ACTR3C: variants seen among roughly 807,000 people sequenced by gnomAD.
The protein encoded by ACTR3C is actin related protein 3C, also known as actin-related protein 3C.
ACTR3C carries 18 observed loss-of-function variants against 26.3 expected under a neutral mutation model. That is an observed-to-expected ratio of 0.68 (90% CI 0.47 to 1.01). The LOEUF is 1.01. Ranked by LOEUF, ACTR3C falls within the 50% of genes least tolerant of loss-of-function variation. ACTR3C has a pLI of 0.00. For synonymous variants in ACTR3C, 55 were observed against 94.5 expected, an observed-to-expected ratio of 0.58 and a Z score of 2.42; for missense variants, 184 against 250.7, an observed-to-expected ratio of 0.73 and a Z score of 1.80.
At chr7:150,032,057 A>T in the ACTR3C span, among the ~76,000 whole-genome samples, 4 of 152,128 alleles carry the variant, frequency 2.6e-5, no homozygotes, top group African/African-American at 4.8e-5. Flanking sequence ...GGTCTATTTC[A>T]TCTCTGCCTT....
the ACTR3C span, among the ~76,000 whole-genome samples, chr7:150,109,031 A>G: frequency 0.15 from 23,089 of 151,870 alleles, 2,145 homozygotes; most frequent in African/African-American, 0.23. Context: ...CTGGTCCCTT[A>G]GGCCCTAAAT....
At chr7:149,940,627 G>A in the ACTR3C span, among the ~76,000 whole-genome samples, 1 of 151,550 alleles carries the variant, frequency 6.6e-6, no homozygotes, top group Admixed American at 6.6e-5. Context: ...AAATGAACAG[G>A]CCAGCACTGT....
chr7:149,976,418 C>A, the ACTR3C span, among the ~76,000 whole-genome samples: 1 of 151,812 alleles, frequency 6.6e-6, no homozygotes, highest in Non-Finnish European at 1.5e-5. Flanking sequence ...ACTAAAAATA[C>A]AAAAAATTAG....
intron 6 of ACTR3C, among the ~76,000 whole-genome samples, chr7:150,267,407 G>A (rs947557171): frequency 7.9e-5 from 12 of 152,172 alleles, no homozygotes; most frequent in Non-Finnish European, 4.4e-5. Context: ...GTCCCGCTTA[G>A]GGCACGAGTC....
At chr7:150,131,644 C>T in the ACTR3C span, among the ~76,000 whole-genome samples, 1 of 152,310 alleles carries the variant, frequency 6.6e-6, no homozygotes, top group East Asian at 1.9e-4. Context: ...AGGTACCAAC[C>T]TTCTCCCTCT....
At chr7:150,294,293 G>T (rs1033999792) in intron 2 of ACTR3C, among the ~76,000 whole-genome samples, 16 of 152,228 alleles carry the variant, frequency 1.1e-4, no homozygotes, top group Admixed American at 9.8e-4. Flanking sequence ...TACGCTCCCC[G>T]CAATGCACAC....
At chr7:150,088,299 T>A in the ACTR3C span, among the ~76,000 whole-genome samples, 3 of 152,254 alleles carry the variant, frequency 2.0e-5, no homozygotes, top group African/African-American at 7.2e-5. Flanking sequence ...ATTGTACTTT[T>A]CAGAATTTTC....
At chr7:150,209,310 CAGAGAG>C in the ACTR3C span, among the ~76,000 whole-genome samples, 3 of 125,486 alleles carry the variant, frequency 2.4e-5, no homozygotes, top group East Asian at 4.2e-4. Context: ...GAGACAGAAA[CAGAGAG>C]AGAGAGAGAG....
At chr7:150,030,616 T>C in the ACTR3C span, among the ~76,000 whole-genome samples, 1 of 152,218 alleles carries the variant, frequency 6.6e-6, no homozygotes, top group Non-Finnish European at 1.5e-5. Flanking sequence ...CAATATCCAC[T>C]ATGATTTATC....
At chr7:149,907,485 T>TCTCCTCTCTCTCTCC in the ACTR3C span, among the ~76,000 whole-genome samples, 1 of 64,980 alleles carries the variant, frequency 1.5e-5, no homozygotes, top group African/African-American at 4.4e-5. Context: ...CTCTTCTCTC[T>TCTCCTCTCTCTCTCC]CTCTCTCTCT....
chr7:150,051,772 T>A, the ACTR3C span, among the ~76,000 whole-genome samples: 1 of 150,890 alleles, frequency 6.6e-6, no homozygotes, highest in East Asian at 2.0e-4. Flanking sequence ...TCATTGGGAT[T>A]AGGCAGATGC....
intron 6 of ACTR3C, among the ~76,000 whole-genome samples, chr7:150,255,529 T>TC (rs200459675): frequency 0.049 from 7,418 of 151,970 alleles, 576 homozygotes; most frequent in African/African-American, 0.17. Flanking sequence ...CCCACTCCCT[T>TC]CAGAGTACAG....
the ACTR3C span, among the ~76,000 whole-genome samples, chr7:149,969,974 GA>G: frequency 6.6e-6 from 1 of 152,114 alleles, no homozygotes; most frequent in Non-Finnish European, 1.5e-5. Context: ...AAGAGACTTT[GA>G]AAAAAGTGTT....
chr7:150,060,268 A>G, the ACTR3C span, among the ~76,000 whole-genome samples: 2 of 151,488 alleles, frequency 1.3e-5, no homozygotes, highest in Admixed American at 6.6e-5. Flanking sequence ...CAAGAGAAAC[A>G]GCCTCATGAA....
At chr7:149,922,981 T>C in the ACTR3C span, among the ~76,000 whole-genome samples, 1 of 140,186 alleles carries the variant, frequency 7.1e-6, no homozygotes, top group African/African-American at 2.6e-5. Flanking sequence ...TTTTTTTTTT[T>C]TTTTTTTTTT....
intron 1 of ACTR3C, among the ~76,000 whole-genome samples, chr7:150,299,484 A>AAAC (rs1795242249): frequency 6.9e-6 from 1 of 145,004 alleles, no homozygotes; most frequent in Non-Finnish European, 1.5e-5. Context: ...AAAAAAAAAA[A>AAAC]AAAAAAAAAA....
the ACTR3C span, among the ~76,000 whole-genome samples, chr7:149,894,271 G>T: frequency 6.6e-6 from 1 of 152,226 alleles, no homozygotes; most frequent in African/African-American, 2.4e-5. Context: ...AGACTTCAAT[G>T]TAAGACCTGA....
At chr7:149,904,727 G>A in the ACTR3C span, among the ~76,000 whole-genome samples, 1 of 150,824 alleles carries the variant, frequency 6.6e-6, no homozygotes, top group Admixed American at 6.6e-5. Context: ...CGGGCACAGT[G>A]GCTCACACCT....
At chr7:149,889,947 C>G in the ACTR3C span, among the ~76,000 whole-genome samples, 2 of 152,154 alleles carry the variant, frequency 1.3e-5, no homozygotes, top group African/African-American at 4.8e-5. Flanking sequence ...AACGCAGTGG[C>G]CATACTTGGC....
Sources: gnomAD v4.1 joint callset for allele counts (sites outside exome capture counted in the v4.1 genomes callset) on GRCh38, gnomAD v4.1.1 for gene constraint, MANE v1.5 for transcripts, NCBI Gene and HGNC (gene_info 2026-07-23, HGNC 2026-07-21) for gene names.